The following MYO18B variants were observed in gnomAD, a reference collection of about 807,000 sequenced individuals.
MYO18B encodes the protein myosin XVIIIB.
MYO18B carries 204 observed loss-of-function variants against 273.0 expected under a neutral mutation model. The ratio of observed to expected loss-of-function variants is 0.75; its 90% CI spans 0.67 to 0.84. The LOEUF is 0.84. Among genes scored for constraint, MYO18B ranks in the 40% least tolerant of loss-of-function variants. MYO18B has a pLI of 0.00. For synonymous variants in MYO18B, 1,330 were observed against 1,305.7 expected (o/e 1.02, Z -0.40); for missense variants, 3,212 against 3,287.6 (o/e 0.98, Z 0.56).
chr22:25,990,712 A>G lies in MYO18B; in HGVS notation c.6157-1651A>G, dbSNP rs5761339. On this transcript the variant is annotated intron_variant, in intron 39 of 43. Coordinates refer to ENST00000335473, the MANE Select transcript of MYO18B (RefSeq NM_032608.7). ...AAAAAAAAAAAAAAAAAAAAAAAAA[A>G]AAAAAAAAGAAAAAGAAAAAAAAAA... Among the ~76,000 whole-genome samples the G allele has an allele frequency of 2.1e-3, 89 of 42,814 alleles. 1 individual carries two copies. The highest frequency in any genetic ancestry group is 5.0e-3 in the Admixed American group (21 of 4,188). The allele number at this position is 42,814 out of a possible 152,430, so 28.1% of individuals were successfully genotyped here. A position where few individuals can be genotyped will look rare whatever the true frequency, so the allele number is the denominator to read the frequency against.
At chr22:25,990,721 GAAAAAGAAAAAAA>G (rs2093260192) in intron 39 of MYO18B, among the ~76,000 whole-genome samples, 1 of 26,996 alleles carries the variant, frequency 3.7e-5, no homozygotes, top group Non-Finnish European at 6.6e-5. Context: ...AAAAAAAAAA[GAAAAAGAAAAAAA>G]AAAAGACTCC....
intron 12 of MYO18B, among the ~76,000 whole-genome samples, chr22:25,809,579 A>T (rs561103523): frequency 1.3e-5 from 2 of 152,246 alleles, no homozygotes; most frequent in African/African-American, 4.8e-5. Flanking sequence ...TGGGGTTATG[A>T]AGGGAGGCTG....
intron 25 of MYO18B, among the ~76,000 whole-genome samples, chr22:25,879,656 A>T (rs998966561): frequency 6.6e-6 from 1 of 152,204 alleles, no homozygotes; most frequent in Non-Finnish European, 1.5e-5. Flanking sequence ...CAAATTACAG[A>T]TAGACTTCTA....
chr22:25,753,595 G>GCT, intron 1 of MYO18B, among the ~76,000 whole-genome samples: 1 of 152,186 alleles, frequency 6.6e-6, no homozygotes, highest in Non-Finnish European at 1.5e-5. Flanking sequence ...GTCGATTGTT[G>GCT]GGTCTACGCT....
At chr22:25,925,027 G>A (rs967403477) in intron 34 of MYO18B, among the ~76,000 whole-genome samples, 1 of 152,138 alleles carries the variant, frequency 6.6e-6, no homozygotes, top group African/African-American at 2.4e-5. Context: ...GAGAGGTTGA[G>A]CAATTTACCT....
chr22:26,049,096 A>G, the MYO18B span, among the ~76,000 whole-genome samples: 1 of 152,312 alleles, frequency 6.6e-6, no homozygotes, highest in Admixed American at 6.5e-5. Context: ...CTGAAAAAAA[A>G]AGAATGTAGG....
chr22:25,869,710 C>T (rs926983215), intron 22 of MYO18B, among the ~76,000 whole-genome samples: 2 of 152,126 alleles, frequency 1.3e-5, no homozygotes, highest in African/African-American at 4.8e-5. Flanking sequence ...TCATGGAGCC[C>T]TCCCTATCAT....
Position 26,009,710 on chromosome 22 carries a change from G to A in MYO18B, c.6470+4855G>A, listed in dbSNP as rs147795431. ...GCCTTGACAAGATTTCTGCTCCTTG[G>A]TTCTCCTCAAACTTCTCTTCCCTGG... On this transcript the variant is annotated intron_variant, in intron 42 of 43. Coordinates refer to ENST00000335473, the MANE Select transcript of MYO18B (RefSeq NM_032608.7). Among the ~76,000 whole-genome samples the A allele has an allele frequency of 4.1e-3, 624 of 152,036 alleles. 2 individuals are homozygous for A. The highest frequency in any genetic ancestry group is 0.015 in the African/African-American group (605 of 41,446).
intron 37 of MYO18B, 68 bp downstream of exon 37, chr22:25,950,518 A>ATGTGTGTATGTGTGTGTGTG (rs2092779139): frequency 1.8e-6 from 1 of 563,484 alleles, no homozygotes; most frequent in Non-Finnish European, 3.0e-6. Context: ...AACTAATAGG[A>ATGTGTGTATGTGTGTGTGTG]TGTGTGTGTG....
intron 42 of MYO18B, among the ~76,000 whole-genome samples, chr22:26,009,602 C>A (rs1375893814): frequency 2.0e-5 from 3 of 152,196 alleles, no homozygotes; most frequent in Non-Finnish European, 4.4e-5. Context: ...TCCAGAGACA[C>A]AAATCAGGGG....
At position 25,769,308 on chromosome 22, in the gene MYO18B, AG is replaced by A; in HGVS notation, c.1394del (p.Gly465AspfsTer66). ...GAGALETELEGPSQPALEKDA... is the reference protein window; with the variant it reads ...GAGALETELEXPSQPALEKDA... ...CTGGTGCCCTGGAGACAGAGCTGGA[AG>A]GACCCAGCCAGCCTGCTCTGGAGAA... On this transcript the variant is annotated frameshift_variant, in exon 4 of 44. Coordinates refer to ENST00000335473, the MANE Select transcript of MYO18B (RefSeq NM_032608.7). LOFTEE classifies it high-confidence loss of function. 1.3e-6 allele frequency: 2 copies of A among 1,580,260 alleles called. No homozygotes were observed.
chr22:25,992,976 G>A (rs2146854251), intron 40 of MYO18B, among the ~76,000 whole-genome samples: 1 of 152,210 alleles, frequency 6.6e-6, no homozygotes, highest in East Asian at 1.9e-4. Flanking sequence ...TAAGTGCTAT[G>A]TAAGTGGAAG....
In MYO18B at chr22:25,908,386, A is replaced by C; in HGVS notation, c.5213A>C (p.Asp1738Ala). 6.2e-7 allele frequency: 1 copy of C among 1,603,264 alleles called. No homozygotes were observed. The highest frequency in any genetic ancestry group is 8.5e-7 in the Non-Finnish European group (1 of 1,175,156). The change falls in exon 32 of 44, where the codon GAC (aspartate) becomes GCC (alanine). Residue 1738 changes from aspartate (D) to alanine (A), a missense_variant. Coordinates refer to ENST00000335473, the MANE Select transcript of MYO18B (RefSeq NM_032608.7). ...CAGATGCACCAGAAGGACCGTGAGG[A>C]CCAGGAGGAGGAACTGGAGGATGTC... is the stretch of plus-strand genomic sequence containing the variant. ...MKQMHQKDREDQEEELEDVRQ... is the reference protein window; with the variant it reads ...MKQMHQKDREAQEEELEDVRQ...
chr22:25,784,710 G>A (rs1255328653), intron 10 of MYO18B, among the ~76,000 whole-genome samples: 4 of 152,138 alleles, frequency 2.6e-5, no homozygotes, highest in Admixed American at 1.3e-4. Flanking sequence ...AGTGTGATTC[G>A]AAGGGGCAGG....
chr22:25,769,245 G>A lies in MYO18B; in HGVS notation c.1329G>A (p.Gln443=). ...GKGGWPGSRG[Q]EAEEPCSRAG... ...GAGGCTGGCCAGGAAGCCGTGGGCA[G>A]GAAGCAGAGGAGCCCTGCTCAAGAG... Residue 443 remains glutamine, a synonymous_variant, in exon 4 of 44, where the codon CAG becomes CAA. Coordinates refer to ENST00000335473, the MANE Select transcript of MYO18B (RefSeq NM_032608.7). 2 of 1,596,306 alleles carry A rather than the reference G, an allele frequency of 1.3e-6. No individual in the cohort carries two copies. Among genetic ancestry groups the A allele is most frequent in the Middle Eastern group, 1.7e-4 (1 of 6,028 alleles).
intron 7 of MYO18B, 64 bp downstream of exon 7, chr22:25,772,574 T>G (rs1296754915): frequency 6.7e-7 from 1 of 1,490,724 alleles, no homozygotes; most frequent in African/African-American, 1.4e-5. Context: ...GGGGGATCCC[T>G]CTGCATCTGA....
intron 12 of MYO18B, among the ~76,000 whole-genome samples, chr22:25,816,993 C>A (rs1339591325): frequency 1.3e-5 from 2 of 152,164 alleles, no homozygotes; most frequent in African/African-American, 4.8e-5. Context: ...GGAGAAATAA[C>A]TTGGTTATTA....
chr22:25,851,645 T>C (rs528210491), intron 21 of MYO18B, 66 bp downstream of exon 21: 2 of 1,210,444 alleles, frequency 1.7e-6, no homozygotes, highest in Admixed American at 4.0e-5. Context: ...TTGGACATGT[T>C]CCAAGGCTGG....
chr22:25,987,339 A>G (rs1196183896), intron 39 of MYO18B, among the ~76,000 whole-genome samples: 4 of 152,202 alleles, frequency 2.6e-5, no homozygotes, highest in African/African-American at 9.6e-5. Flanking sequence ...ACTCTGTGAT[A>G]TGCTCCAGAG....
Sources: gnomAD v4.1 joint callset for allele counts (sites outside exome capture counted in the v4.1 genomes callset) on GRCh38, gnomAD v4.1.1 for gene constraint, MANE v1.5 for transcripts, NCBI Gene and HGNC (gene_info 2026-07-23, HGNC 2026-07-21) for gene names.